Variants in TMEM209 observed in about 807,000 individuals in gnomAD.
TMEM209 encodes transmembrane protein 209.
Under a neutral mutation model 76.2 loss-of-function variants are expected in TMEM209, and 65 were observed. The observed-to-expected ratio is 0.85, with a 90% CI of 0.70 to 1.05. The LOEUF (loss-of-function observed/expected upper bound fraction) is 1.05, where lower values mean the gene tolerates loss of function less well. TMEM209 is among the 50% of genes least tolerant of loss of function. The pLI is 0.00. For synonymous variants in TMEM209, 239 were observed against 237.6 expected (o/e 1.01, Z -0.06); for missense variants, 623 against 685.5 (o/e 0.91, Z 1.02).
intron 1 of TMEM209, 97 bp from the exon 2 acceptor site, chr7:130,204,207 C>A: frequency 7.9e-7 from 1 of 1,273,162 alleles, no homozygotes; most frequent in Non-Finnish European, 1.1e-6. Flanking sequence ...ACTGAAACCG[C>A]ATATACCTTC....
intron 3 of TMEM209, among the ~76,000 whole-genome samples, chr7:130,202,897 T>C (rs1798269499): frequency 6.6e-6 from 1 of 151,930 alleles, no homozygotes; most frequent in Non-Finnish European, 1.5e-5. Context: ...GAGACCAGCC[T>C]GGCCAACATA....
chr7:130,193,781 G>T (rs1228316317), intron 5 of TMEM209, among the ~76,000 whole-genome samples: 1 of 150,764 alleles, frequency 6.6e-6, no homozygotes, highest in East Asian at 1.9e-4. Flanking sequence ...CTATAATTGT[G>T]AACATGTCAT....
At chr7:130,186,834 C>T (rs1797616337) in intron 6 of TMEM209, among the ~76,000 whole-genome samples, 1 of 152,128 alleles carries the variant, frequency 6.6e-6, no homozygotes, top group African/African-American at 2.4e-5. Flanking sequence ...GCTGGAGAAC[C>T]TCAAAGACCT....
chr7:130,201,821 G>A, intron 5 of TMEM209, 29 bp downstream of exon 5: 7 of 1,612,390 alleles, frequency 4.3e-6, no homozygotes, highest in Non-Finnish European at 5.9e-6. Context: ...CTAAAATAAT[G>A]TGACTAGACA....
rs1026823267 is a variant in TMEM209, at chr7:130,181,620, T to C, written c.1120+3A>G. 1.2e-6 allele frequency: 2 copies of C among 1,609,628 alleles called. No homozygotes were observed. Among genetic ancestry groups the C allele is most frequent in the East Asian group, 2.2e-5 (1 of 44,816 alleles). The stretch of plus-strand genomic sequence containing the variant: ...TCCAACACTGGGCTCTGTTTTCACA[T>C]ACCTCCTATCTGTAGCTCTGGACAA... On this transcript the variant is annotated splice_donor_region_variant and intron_variant, in intron 9 of 14. Coordinates refer to ENST00000397622, the MANE Select transcript of TMEM209 (RefSeq NM_032842.4).
chr7:130,201,598 A>G lies in TMEM209; in HGVS notation c.573+252T>C, dbSNP rs569409579. 2.0e-5 allele frequency among the ~76,000 whole-genome samples: 3 copies of G among 152,326 alleles called. No homozygotes were observed. The South Asian group carries it at 6.2e-4, about 32-fold the overall frequency. ...AAAGTAAAAAATTATCCTTGTTTCAACTTGTTTTAAAGACAGCTGAAAGAT... is the reference window on the plus strand; with the variant it reads ...AAAGTAAAAAATTATCCTTGTTTCAGCTTGTTTTAAAGACAGCTGAAAGAT... On this transcript the variant is annotated intron_variant, in intron 5 of 14. Coordinates refer to ENST00000397622, the MANE Select transcript of TMEM209 (RefSeq NM_032842.4).
chr7:130,192,586 AATATGT>A, intron 6 of TMEM209, 30 bp downstream of exon 6: 1 of 1,566,920 alleles, frequency 6.4e-7, no homozygotes, highest in Non-Finnish European at 8.8e-7. Context: ...TGACACCAAA[AATATGT>A]ATAGTAGATA....
chr7:130,181,817 C>G (rs1342419127), intron 8 of TMEM209, 98 bp from the exon 9 acceptor site: 1 of 908,506 alleles, frequency 1.1e-6, no homozygotes, highest in Non-Finnish European at 1.7e-6. Context: ...ATTTTTTTTA[C>G]TATCTTATAG....
intron 5 of TMEM209, among the ~76,000 whole-genome samples, chr7:130,195,623 G>T: frequency 8.2e-6 from 1 of 121,568 alleles, no homozygotes. Flanking sequence ...TTCCTTAAAA[G>T]TTATTTGGAA....
intron 1 of TMEM209, chr7:130,204,985 CGGA>C: frequency 8.9e-7 from 1 of 1,121,620 alleles, no homozygotes; most frequent in South Asian, 2.8e-5. Context: ...GGGTGGTGAG[CGGA>C]GTAAGAGGGA....
At chr7:130,189,999 C>T (rs924154525) in intron 6 of TMEM209, among the ~76,000 whole-genome samples, 1 of 152,032 alleles carries the variant, frequency 6.6e-6, no homozygotes, top group Non-Finnish European at 1.5e-5. Context: ...AAAGGTGGCG[C>T]GGGCAGGGGG....
Position 130,176,664 on chromosome 7 carries a change from A to C in TMEM209, c.1247-1055T>G, listed in dbSNP as rs148565890. ...GGGAACCACTAAAGACAAACAATCC[A>C]GTTCTTCTGACAAATAAATTGCAAA... On this transcript the variant is annotated intron_variant, in intron 10 of 14. Coordinates refer to ENST00000397622, the MANE Select transcript of TMEM209 (RefSeq NM_032842.4). 4.6e-3 allele frequency among the ~76,000 whole-genome samples: 707 copies of C among 152,232 alleles called. 2 individuals are homozygous for C. The highest frequency in any genetic ancestry group is 0.016 in the African/African-American group (644 of 41,530).
chr7:130,185,929 T>G (rs1455504616), intron 6 of TMEM209, among the ~76,000 whole-genome samples: 4 of 152,034 alleles, frequency 2.6e-5, no homozygotes, highest in African/African-American at 4.8e-5. Context: ...TTAAGAAATG[T>G]AAAAAAAAGT....
At position 130,171,374 on chromosome 7, in the gene TMEM209, AG is replaced by A. The variant is rs529920013; in HGVS notation, c.1558-902del. On this transcript the variant is annotated intron_variant, in intron 13 of 14. Transcript: ENST00000397622. ...GGTCTGTAAAAACAGCTCCTAATTT[AG>A]ATTTTCAATTTACAGATTAACTTTT... 1.9e-4 allele frequency among the ~76,000 whole-genome samples: 29 copies of A among 152,328 alleles called. 1 individual carries two copies. The South Asian group carries it at 6.0e-3, about 32-fold the overall frequency.
intron 13 of TMEM209, 137 bp from the exon 14 acceptor site, chr7:130,170,610 C>G: frequency 2.9e-6 from 2 of 696,710 alleles, no homozygotes; most frequent in Non-Finnish European, 4.7e-6. Context: ...ATTTATTAAA[C>G]AAAGTACCTA....
intron 5 of TMEM209, among the ~76,000 whole-genome samples, chr7:130,198,788 CTTTATT>C (rs1370794133): frequency 2.6e-5 from 4 of 151,950 alleles, no homozygotes; most frequent in Admixed American, 1.3e-4. Flanking sequence ...TTTTTCAAAC[CTTTATT>C]TTTAATTTCT....
chr7:130,202,793 G>A, intron 3 of TMEM209, 130 bp from the exon 4 acceptor site: 1 of 1,107,462 alleles, frequency 9.0e-7, no homozygotes, highest in Non-Finnish European at 1.2e-6. Flanking sequence ...TTTAATGAAT[G>A]TTATGTGTAG....
chr7:130,199,914 A>G (rs1380100149), intron 5 of TMEM209: 1 of 152,178 alleles, frequency 6.6e-6, no homozygotes, highest in African/African-American at 2.4e-5. Flanking sequence ...CCCGAAAAAG[A>G]CAAATCACAT....
intron 13 of TMEM209, among the ~76,000 whole-genome samples, chr7:130,171,262 A>G (rs1797058485): frequency 6.6e-6 from 1 of 152,228 alleles, no homozygotes; most frequent in African/African-American, 2.4e-5. Context: ...TACAAATAAC[A>G]TATTAAATAT....
Sources: allele counts gnomAD v4.1 joint callset (sites outside exome capture counted in the v4.1 genomes callset), GRCh38; gene constraint gnomAD v4.1.1; transcripts MANE v1.5; gene names NCBI Gene and HGNC (gene_info 2026-07-23, HGNC 2026-07-21).